Variants in ELAVL4 observed in about 807,000 individuals in gnomAD.
ELAVL4 encodes the protein ELAV like RNA binding protein 4.
Under a neutral mutation model 35.6 loss-of-function variants are expected in ELAVL4, and 1 was observed. The ratio of observed to expected loss-of-function variants is 0.03; its 90% CI spans 0.01 to 0.13. The LOEUF (loss-of-function observed/expected upper bound fraction) is 0.13, where lower values mean the gene tolerates loss of function less well. ELAVL4 is among the 10% of genes least tolerant of loss of function. The probability of loss-of-function intolerance (pLI) is 1.00; values close to 1 mark genes in which losing one functional copy is unlikely to be tolerated. For synonymous variants in ELAVL4, 156 were observed against 171.0 expected (o/e 0.91, Z 0.69); for missense variants, 267 against 464.9 (o/e 0.57, Z 3.91).
At chr1:50,189,529 A>C (rs974711357) in intron 3 of ELAVL4, among the ~76,000 whole-genome samples, 1 of 152,202 alleles carries the variant, frequency 6.6e-6, no homozygotes, top group Non-Finnish European at 1.5e-5. Flanking sequence ...AAAGTGGTAA[A>C]AGATGGTCCA....
At chr1:50,107,091 CAG>C (rs1197707875), upstream of ELAVL4, among the ~76,000 whole-genome samples, 3 of 152,140 alleles carry the variant, frequency 2.0e-5, no homozygotes, top group Admixed American at 6.5e-5. Flanking sequence ...AAATTGCACT[CAG>C]AGTTTATGTT....
At chr1:50,171,986 T>C (rs1296888080) in intron 2 of ELAVL4, among the ~76,000 whole-genome samples, 1 of 152,238 alleles carries the variant, frequency 6.6e-6, no homozygotes, top group African/African-American at 2.4e-5. Context: ...AATTCCTTAC[T>C]CAACTCAGAA....
Position 50,109,016 on chromosome 1 carries a change from C to CGGGCCG in ELAVL4, c.-174_-173insGGGCCG. ...CTCCTTTTCTTTTTTTTCTTTCTCT[C>CGGGCCG]CCCCGCCCACCCCCCCAAAAATAAT... On this transcript the variant is annotated 5_prime_UTR_variant, in exon 1 of 7. Coordinates refer to ENST00000371824, the MANE Select transcript of ELAVL4 (RefSeq NM_001144774.3). The CGGGCCG allele has an allele frequency of 3.3e-6, 3 of 905,710 alleles. No homozygotes were observed. Among genetic ancestry groups the CGGGCCG allele is most frequent in the Non-Finnish European group, 3.9e-6 (3 of 761,330 alleles). 56.1% of individuals were successfully genotyped at this position (905,710 alleles called of 1,614,324 possible).
At chr1:50,098,438 G>A (rs1359748865) in intron 1 of ELAVL4, among the ~76,000 whole-genome samples, 2 of 152,188 alleles carry the variant, frequency 1.3e-5, no homozygotes, top group Admixed American at 1.3e-4. Context: ...TTTTGTAGAA[G>A]CCTAGCATCA....
In ELAVL4 at chr1:50,200,953, C is replaced by T. The variant is rs115883343; in HGVS notation, c.876C>T (p.Pro292=). ...GCATCTTTGTCTACAACCTGTCCCC[C>T]GATTCCGATGAGAGTGTCCTCTGGC... ...GWCIFVYNLS[P]DSDESVLWQL... The change falls in exon 7 of 7, where the codon CCC becomes CCT. Residue 292 remains proline (P), a synonymous_variant. Transcript: ENST00000371824. 3.5e-5 allele frequency: 57 copies of T among 1,614,042 alleles called. No homozygotes were observed. The African/African-American group carries it at 6.0e-4, about 17-fold the overall frequency.
At chr1:50,072,026 C>T (rs1421863375) in intron 1 of ELAVL4, among the ~76,000 whole-genome samples, 4 of 152,092 alleles carry the variant, frequency 2.6e-5, no homozygotes, top group Non-Finnish European at 4.4e-5. Flanking sequence ...ATTTGAAGCA[C>T]TTGTAAAGAT....
intron 1 of ELAVL4, among the ~76,000 whole-genome samples, chr1:50,141,174 C>T (rs528265825): frequency 1.9e-4 from 29 of 152,102 alleles, no homozygotes; most frequent in Non-Finnish European, 3.1e-4. Flanking sequence ...ATCAGGTGAC[C>T]TTTATGAGTT....
At chr1:50,161,627 G>A (rs1017247150) in intron 2 of ELAVL4, among the ~76,000 whole-genome samples, 1 of 152,212 alleles carries the variant, frequency 6.6e-6, no homozygotes, top group African/African-American at 2.4e-5. Flanking sequence ...TGTATTTAAA[G>A]ATCTGTCATT....
At chr1:50,073,220 T>A (rs1664610600) in intron 1 of ELAVL4, among the ~76,000 whole-genome samples, 2 of 152,172 alleles carry the variant, frequency 1.3e-5, no homozygotes, top group South Asian at 4.1e-4. Flanking sequence ...CAGTCCTTCA[T>A]AGTAAGTGGT....
chr1:50,054,689 A>G (rs78811753), intron 1 of ELAVL4, among the ~76,000 whole-genome samples: 3 of 152,294 alleles, frequency 2.0e-5, no homozygotes, highest in Non-Finnish European at 2.9e-5. Flanking sequence ...CAGCAAATCT[A>G]TGTGAGAGGT....
intron 1 of ELAVL4, among the ~76,000 whole-genome samples, chr1:50,133,417 G>A (rs1009237536): frequency 3.3e-5 from 5 of 151,990 alleles, no homozygotes; most frequent in African/African-American, 1.2e-4. Flanking sequence ...TGATTTGGTG[G>A]AGTCCAGTTT....
intron 1 of ELAVL4, among the ~76,000 whole-genome samples, chr1:50,133,603 G>A (rs202183997): frequency 1.4e-4 from 12 of 86,160 alleles, no homozygotes; most frequent in African/African-American, 4.3e-4. Flanking sequence ...AGAAAGAAAA[G>A]AAAGAAAGAA....
At chr1:50,078,883 G>A (rs1572140195) in intron 1 of ELAVL4, among the ~76,000 whole-genome samples, 1 of 152,050 alleles carries the variant, frequency 6.6e-6, no homozygotes, top group Non-Finnish European at 1.5e-5. Flanking sequence ...GTTTATGTTT[G>A]TGATGCTCCT....
At chr1:50,120,266 G>A (rs1204635250) in intron 1 of ELAVL4, among the ~76,000 whole-genome samples, 1 of 151,804 alleles carries the variant, frequency 6.6e-6, no homozygotes, top group African/African-American at 2.4e-5. Flanking sequence ...GCTTCATGGA[G>A]GAAATGCCAT....
chr1:50,090,360 A>G (rs1665434833), intron 1 of ELAVL4, among the ~76,000 whole-genome samples: 1 of 152,202 alleles, frequency 6.6e-6, no homozygotes, highest in South Asian at 2.1e-4. Flanking sequence ...AGTGTAGAGA[A>G]AGAGCTATTC....
At chr1:50,071,014 T>A (rs1271304240) in intron 1 of ELAVL4, among the ~76,000 whole-genome samples, 1 of 152,086 alleles carries the variant, frequency 6.6e-6, no homozygotes, top group Non-Finnish European at 1.5e-5. Context: ...TTCCAGGATG[T>A]CCAACTGGCT....
At chr1:50,111,883 T>A (rs1261355900) in intron 1 of ELAVL4, among the ~76,000 whole-genome samples, 3 of 152,062 alleles carry the variant, frequency 2.0e-5, no homozygotes, top group African/African-American at 7.2e-5. Flanking sequence ...GAACAGGAGA[T>A]AGCGTAAAAA....
At position 50,144,991 on chromosome 1, in the gene ELAVL4, G is replaced by A; in HGVS notation, c.44G>A (p.Gly15Asp). 1.2e-6 allele frequency: 2 copies of A among 1,613,614 alleles called. No homozygotes were observed. The highest frequency in any genetic ancestry group is 8.5e-7 in the Non-Finnish European group (1 of 1,179,882). Residue 15 changes from glycine to aspartate, a missense_variant, in exon 2 of 7, where the codon GGT becomes GAT. Transcript: ENST00000371824. Reference sequence around the variant, plus strand: ...ACCATGGAGCCTCAGGTGTCAAATGGTCCGACATCCAATACAAGCAATGGA... The same window carrying A: ...ACCATGGAGCCTCAGGTGTCAAATGATCCGACATCCAATACAAGCAATGGA... ...ISTMEPQVSN[G>D]PTSNTSNGPS...
intron 1 of ELAVL4, among the ~76,000 whole-genome samples, chr1:50,083,074 T>A (rs1665082521): frequency 1.3e-5 from 2 of 152,134 alleles, no homozygotes; most frequent in African/African-American, 4.8e-5. Flanking sequence ...GCCATTTTTT[T>A]AAGATATGGA....
Sources: gnomAD v4.1 joint callset for allele counts (sites outside exome capture counted in the v4.1 genomes callset) on GRCh38, gnomAD v4.1.1 for gene constraint, MANE v1.5 for transcripts, NCBI Gene and HGNC (gene_info 2026-07-23, HGNC 2026-07-21) for gene names.